The following CDH13 variants were observed in gnomAD, a reference collection of about 807,000 sequenced individuals.
The protein encoded by CDH13 is cadherin-13.
Under a neutral mutation model 63.8 loss-of-function variants are expected in CDH13, and 24 were observed. The observed-to-expected ratio is 0.38, with a 90% confidence interval of 0.27 to 0.53. CDH13 has a LOEUF of 0.53. Ranked by LOEUF, CDH13 falls within the 20% of genes least tolerant of loss-of-function variation. The pLI is 0.85. For synonymous variants in CDH13, 503 were observed against 355.3 expected (o/e 1.42, Z -4.67); for missense variants, 1,049 against 903.1 (o/e 1.16, Z -2.07).
intron 8 of CDH13, among the ~76,000 whole-genome samples, chr16:83,618,531 A>G (rs1262159418): frequency 1.3e-5 from 2 of 152,244 alleles, no homozygotes; most frequent in Middle Eastern, 3.4e-3. Context: ...GACCAACCTC[A>G]CTGTGGCACA....
At chr16:82,842,484 G>A (rs927845339) in intron 1 of CDH13, among the ~76,000 whole-genome samples, 2 of 151,910 alleles carry the variant, frequency 1.3e-5, no homozygotes, top group African/African-American at 4.8e-5. Context: ...TCAGCTAAAT[G>A]GGAGTTGTCC....
At chr16:82,693,422 T>G (rs1384799162) in intron 1 of CDH13, among the ~76,000 whole-genome samples, 1 of 152,208 alleles carries the variant, frequency 6.6e-6, no homozygotes, top group Non-Finnish European at 1.5e-5. Context: ...TGCACCTCTT[T>G]GCTGAAAGCA....
intron 1 of CDH13, among the ~76,000 whole-genome samples, chr16:82,821,542 C>G (rs1567569429): frequency 6.6e-6 from 1 of 152,140 alleles, no homozygotes; most frequent in Non-Finnish European, 1.5e-5. Flanking sequence ...CCATTCAAAC[C>G]TGGGCTTGGA....
intron 5 of CDH13, among the ~76,000 whole-genome samples, chr16:83,309,943 A>G (rs2089964531): frequency 6.6e-6 from 1 of 152,216 alleles, no homozygotes; most frequent in Non-Finnish European, 1.5e-5. Context: ...CTCAGCATAA[A>G]GGAATAGCAA....
chr16:82,802,222 A>G (rs1159786882), intron 1 of CDH13, among the ~76,000 whole-genome samples: 1 of 152,170 alleles, frequency 6.6e-6, no homozygotes, highest in Non-Finnish European at 1.5e-5. Context: ...TCCTCAGCAG[A>G]ATCCCAGGGT....
chr16:83,769,914 A>C (rs1454954588), intron 11 of CDH13, among the ~76,000 whole-genome samples: 1 of 152,100 alleles, frequency 6.6e-6, no homozygotes, highest in African/African-American at 2.4e-5. Flanking sequence ...AAAGTAATTA[A>C]ACCACCTCAG....
At chr16:83,299,354 C>G (rs1364316) in intron 5 of CDH13, among the ~76,000 whole-genome samples, 78,567 of 151,582 alleles carry the variant, frequency 0.52, 21,269 homozygotes, top group South Asian at 0.68. Context: ...AAAGACAGCA[C>G]TACCTTACCT....
intron 10 of CDH13, among the ~76,000 whole-genome samples, chr16:83,689,785 T>C (rs189981276): frequency 3.0e-4 from 46 of 152,266 alleles, no homozygotes; most frequent in East Asian, 1.9e-3. Flanking sequence ...GGATTTGGAT[T>C]AGGGCTATGA....
chr16:83,238,105 A>G (rs1904278616), intron 5 of CDH13, among the ~76,000 whole-genome samples: 1 of 2,936 alleles, frequency 3.4e-4, no homozygotes, highest in African/African-American at 3.9e-4. Context: ...TGAGGAGTGG[A>G]TCCCTTTTTC....
intron 2 of CDH13, among the ~76,000 whole-genome samples, chr16:82,942,248 G>T (rs571589692): frequency 1.3e-5 from 2 of 152,220 alleles, no homozygotes; most frequent in South Asian, 4.1e-4. Context: ...GATTTTTCCA[G>T]TTGCTGCCGC....
At chr16:82,716,672 A>C (rs1021716004) in intron 1 of CDH13, among the ~76,000 whole-genome samples, 2 of 149,938 alleles carry the variant, frequency 1.3e-5, no homozygotes, top group African/African-American at 4.9e-5. Flanking sequence ...GTGGGTATTA[A>C]GGGGGGTGAC....
At chr16:82,974,717 C>T (rs1039919101) in intron 2 of CDH13, among the ~76,000 whole-genome samples, 3 of 152,068 alleles carry the variant, frequency 2.0e-5, no homozygotes, top group African/African-American at 7.2e-5. Context: ...TAAAGATGCT[C>T]TATTGCTGTC....
chr16:83,324,189 A>C (rs2090306983), intron 5 of CDH13, among the ~76,000 whole-genome samples: 1 of 152,088 alleles, frequency 6.6e-6, no homozygotes, highest in Admixed American at 6.5e-5. Context: ...GGCACCTGCC[A>C]CCATGCCCAA....
chr16:83,502,167 G>A (rs2074298177), intron 7 of CDH13, among the ~76,000 whole-genome samples: 1 of 152,180 alleles, frequency 6.6e-6, no homozygotes, highest in South Asian at 2.1e-4. Context: ...TTACCTTACA[G>A]GGCAAATGGG....
chr16:82,727,180 T>G (rs1178082455), intron 1 of CDH13, among the ~76,000 whole-genome samples: 1 of 152,086 alleles, frequency 6.6e-6, no homozygotes, highest in Non-Finnish European at 1.5e-5. Context: ...GTTACTGCAT[T>G]TTATTTTTTT....
intron 2 of CDH13, among the ~76,000 whole-genome samples, chr16:82,932,746 A>G (rs1430296406): frequency 6.6e-6 from 1 of 152,228 alleles, no homozygotes; most frequent in Non-Finnish European, 1.5e-5. Context: ...TCTGACTGAT[A>G]CTTTTCATAA....
At chr16:83,617,869 C>A (rs574733567) in intron 8 of CDH13, among the ~76,000 whole-genome samples, 1 of 152,082 alleles carries the variant, frequency 6.6e-6, no homozygotes, top group East Asian at 1.9e-4. Flanking sequence ...CGTACATATT[C>A]TGTTCTAATA....
chr16:83,231,939 G>A (rs956700459), intron 5 of CDH13, among the ~76,000 whole-genome samples: 1 of 152,118 alleles, frequency 6.6e-6, no homozygotes, highest in African/African-American at 2.4e-5. Context: ...ATGAGATCAG[G>A]ATGTTTATAA....
At chr16:83,661,927 C>G (rs1465100046) in intron 8 of CDH13, among the ~76,000 whole-genome samples, 1 of 152,154 alleles carries the variant, frequency 6.6e-6, no homozygotes, top group African/African-American at 2.4e-5. Flanking sequence ...ACCTGTAGAG[C>G]CAGGAGGTTG....
Sources: gnomAD v4.1 joint callset for allele counts (sites outside exome capture counted in the v4.1 genomes callset) on GRCh38, gnomAD v4.1.1 for gene constraint, MANE v1.5 for transcripts, NCBI Gene and HGNC (gene_info 2026-07-23, HGNC 2026-07-21) for gene names.